Variants in DCC observed in about 807,000 individuals in gnomAD.
DCC encodes the protein DCC netrin 1 receptor.
A neutral mutation model predicts 172.5 loss-of-function variants in DCC; 58 were observed. The observed-to-expected ratio is 0.34, with a 90% confidence interval of 0.27 to 0.42. The LOEUF is 0.42. Ranked by LOEUF, DCC falls within the 10% of genes least tolerant of loss-of-function variation. The pLI, the probability that DCC is intolerant of heterozygous loss-of-function variation, is 1.00. For synonymous variants in DCC, 709 were observed against 644.5 expected, an observed-to-expected ratio of 1.10 and a Z score of -1.52; for missense variants, 1,740 against 1,791.0, an observed-to-expected ratio of 0.97 and a Z score of 0.51.
At chr18:52,588,723 G>T (rs1051721223) in intron 1 of DCC, among the ~76,000 whole-genome samples, 4 of 140,602 alleles carry the variant, frequency 2.8e-5, no homozygotes, top group Non-Finnish European at 6.6e-5. Context: ...GAAGGAATAT[G>T]CCTGTATAAA....
intron 1 of DCC, among the ~76,000 whole-genome samples, chr18:52,367,260 A>G (rs1016979474): frequency 1.3e-5 from 2 of 152,176 alleles, no homozygotes; most frequent in African/African-American, 4.8e-5. Flanking sequence ...TGCCGCACGC[A>G]GCCCCGGTTC....
intron 1 of DCC, among the ~76,000 whole-genome samples, chr18:52,354,315 T>C (rs1384534983): frequency 1.3e-5 from 2 of 152,300 alleles, no homozygotes; most frequent in Middle Eastern, 3.4e-3. Flanking sequence ...AATGGCATTT[T>C]AGATAACACA....
intron 7 of DCC, among the ~76,000 whole-genome samples, chr18:53,134,554 C>T (rs2043709492): frequency 6.6e-6 from 1 of 152,064 alleles, no homozygotes; most frequent in Non-Finnish European, 1.5e-5. Flanking sequence ...ACAGAACTGC[C>T]TTGAGGGACA....
intron 9 of DCC, among the ~76,000 whole-genome samples, chr18:53,194,591 T>A (rs532383924): frequency 6.6e-6 from 1 of 152,144 alleles, no homozygotes; most frequent in African/African-American, 2.4e-5. Context: ...TGCCTCAGCC[T>A]CCCAAGTAGC....
intron 1 of DCC, among the ~76,000 whole-genome samples, chr18:52,513,203 TGTTCTTTTCC>T (rs778862906): frequency 1.3e-5 from 2 of 152,218 alleles, no homozygotes; most frequent in African/African-American, 2.4e-5. Context: ...TGTTTTGTTT[TGTTCTTTTCC>T]TAAGAATGTT....
Position 53,108,858 on chromosome 18 carries a change from T to C in DCC, c.1261+42692T>C, listed in dbSNP as rs1394370535. ...GATGGGTGTTTGGATTGTATCTGATTTGTGGCTGTTTTGCTAGAATGAACA... is the reference window on the plus strand; with the variant it reads ...GATGGGTGTTTGGATTGTATCTGATCTGTGGCTGTTTTGCTAGAATGAACA... On this transcript the variant is annotated intron_variant, in intron 7 of 28. Coordinates refer to ENST00000442544, the MANE Select transcript of DCC (RefSeq NM_005215.4). Among the ~76,000 whole-genome samples the C allele has an allele frequency of 1.9e-4, 29 of 151,542 alleles. No individual in the cohort carries two copies. The Admixed American group carries it at 1.9e-3, about 10-fold the overall frequency.
At chr18:52,899,829 T>C (rs2039784988) in intron 2 of DCC, among the ~76,000 whole-genome samples, 1 of 152,200 alleles carries the variant, frequency 6.6e-6, no homozygotes, top group African/African-American at 2.4e-5. Context: ...TTCCTAGTTA[T>C]TGCTTGTGTT....
intron 1 of DCC, among the ~76,000 whole-genome samples, chr18:52,423,978 T>C (rs1417039353): frequency 6.6e-6 from 1 of 152,094 alleles, no homozygotes; most frequent in South Asian, 2.1e-4. Flanking sequence ...CCAAGAATGG[T>C]TTCTTGTTCA....
At chr18:52,895,128 C>G (rs1191925741) in intron 2 of DCC, among the ~76,000 whole-genome samples, 2 of 152,170 alleles carry the variant, frequency 1.3e-5, no homozygotes, top group African/African-American at 4.8e-5. Context: ...AACAGAAGAT[C>G]ATACCAACTT....
intron 5 of DCC, among the ~76,000 whole-genome samples, chr18:53,051,192 T>G (rs1394350962): frequency 6.6e-6 from 1 of 152,084 alleles, no homozygotes; most frequent in Non-Finnish European, 1.5e-5. Context: ...ATTATACCAT[T>G]GCACTCCAGC....
chr18:53,065,972 C>T, intron 6 of DCC, 74 bp from the exon 7 acceptor site: 4 of 1,576,520 alleles, frequency 2.5e-6, no homozygotes, highest in Non-Finnish European at 2.6e-6. Flanking sequence ...AAACTTTGGT[C>T]TCATCTAAGT....
At position 53,086,573 on chromosome 18, in the gene DCC, TTTC is replaced by T. The variant is rs1240529769; in HGVS notation, c.1261+20417_1261+20419del. On this transcript the variant is annotated intron_variant, in intron 7 of 28. Coordinates refer to ENST00000442544, the MANE Select transcript of DCC (RefSeq NM_005215.4). The stretch of plus-strand genomic sequence containing the variant: ...TTCTTCTTCCTTCTTCTTCTTCTTC[TTTC>T]TTCTTCTTCCTTCTTCTTCTTCTTC... Among the ~76,000 whole-genome samples the T allele has an allele frequency of 8.5e-5, 4 of 47,156 alleles. 1 individual carries two copies. Among genetic ancestry groups the T allele is most frequent in the East Asian group, 3.1e-4 (1 of 3,252 alleles). 30.9% of individuals were successfully genotyped at this position (47,156 alleles called of 152,430 possible).
chr18:53,408,475 G>A (rs576985006), intron 19 of DCC, among the ~76,000 whole-genome samples: 38 of 152,298 alleles, frequency 2.5e-4, no homozygotes, highest in African/African-American at 7.9e-4. Flanking sequence ...CATCAAAGGC[G>A]AAAGAAGAGA....
chr18:52,911,109 T>G (rs2039965188), intron 3 of DCC, among the ~76,000 whole-genome samples: 1 of 152,118 alleles, frequency 6.6e-6, no homozygotes, highest in Non-Finnish European at 1.5e-5. Context: ...TCTATAAAAA[T>G]AGAATGTAGT....
chr18:52,350,068 A>T (rs1184468179), intron 1 of DCC, among the ~76,000 whole-genome samples: 1 of 152,234 alleles, frequency 6.6e-6, no homozygotes, highest in Non-Finnish European at 1.5e-5. Context: ...TAATAAAATC[A>T]TTGAGATATT....
At chr18:53,187,986 A>G (rs938166432) in intron 9 of DCC, among the ~76,000 whole-genome samples, 8 of 152,234 alleles carry the variant, frequency 5.3e-5, no homozygotes, top group Non-Finnish European at 8.8e-5. Flanking sequence ...ATTTGTATCA[A>G]TTGAAAGTCA....
At chr18:53,501,225 C>T (rs142307721) in intron 27 of DCC, among the ~76,000 whole-genome samples, 120 of 152,296 alleles carry the variant, frequency 7.9e-4, no homozygotes, top group African/African-American at 2.7e-3. Flanking sequence ...CTTATTACAT[C>T]TCATTTGATC....
rs375501722 is a variant in DCC at position 52,350,502 on chromosome 18, A to G, written c.91+9624A>G. Among the ~76,000 whole-genome samples, 38 of 152,118 alleles carry G rather than the reference A, an allele frequency of 2.5e-4. No individual in the cohort carries two copies. In the East Asian group the frequency reaches 4.7e-3, roughly 19 times the overall value. On this transcript the variant is annotated intron_variant, in intron 1 of 28. Transcript: ENST00000442544. ...AACATATGGACACAGGAAGGGGAAC[A>G]TCATCATACACCGGGGCCTACTGGG...
At chr18:52,967,673 C>T (rs1485352490) in intron 5 of DCC, among the ~76,000 whole-genome samples, 2 of 152,206 alleles carry the variant, frequency 1.3e-5, no homozygotes, top group East Asian at 3.9e-4. Flanking sequence ...GTTGCTTTCT[C>T]CTCTTCTGAT....
Sources: allele counts gnomAD v4.1 joint callset (sites outside exome capture counted in the v4.1 genomes callset), GRCh38; gene constraint gnomAD v4.1.1; transcripts MANE v1.5; gene names NCBI Gene and HGNC (gene_info 2026-07-23, HGNC 2026-07-21).